BBS2: variants seen among roughly 807,000 people sequenced by gnomAD.
BBS2 encodes the protein BBSome complex member BBS2.
A neutral mutation model predicts 83.0 loss-of-function variants in BBS2; 62 were observed. That is an observed-to-expected ratio of 0.75 (90% CI 0.61 to 0.92). The LOEUF is 0.92. BBS2 is among the 40% of genes least tolerant of loss of function. The probability of loss-of-function intolerance (pLI) is 0.00; values close to 1 mark genes in which losing one functional copy is unlikely to be tolerated. For missense variants in BBS2, 784 were observed against 901.0 expected, an observed-to-expected ratio of 0.87 and a Z score of 1.66; for synonymous variants, 303 against 326.1, an observed-to-expected ratio of 0.93 and a Z score of 0.76.
chr16:56,514,803 T>G, intron 1 of BBS2, 123 bp from the exon 2 acceptor site: 1 of 733,920 alleles, frequency 1.4e-6, no homozygotes, highest in Admixed American at 2.6e-5. Flanking sequence ...TAATCTCCTA[T>G]GAAACTTAAA....
intron 11 of BBS2, 61 bp downstream of exon 11, chr16:56,500,793 T>C: frequency 6.3e-7 from 1 of 1,575,290 alleles, no homozygotes; most frequent in Non-Finnish European, 8.7e-7. Context: ...ATGGAAAATT[T>C]ATACATCTTG....
At chr16:56,498,361 C>T (rs1370676254) in intron 13 of BBS2, 76 bp downstream of exon 13, 2 of 1,554,910 alleles carry the variant, frequency 1.3e-6, no homozygotes, top group Non-Finnish European at 1.8e-6. Flanking sequence ...ATCTATGCCC[C>T]TCTCATTCCA....
chr16:56,474,478 G>A (rs967385961), intron 17 of BBS2, among the ~76,000 whole-genome samples: 3 of 151,752 alleles, frequency 2.0e-5, no homozygotes, highest in East Asian at 3.9e-4. Context: ...GCACTACCAC[G>A]CCTGGCTAAT....
intron 7 of BBS2, among the ~76,000 whole-genome samples, chr16:56,503,126 G>A (rs1338676615): frequency 6.6e-6 from 1 of 152,196 alleles, no homozygotes; most frequent in African/African-American, 2.4e-5. Flanking sequence ...AAGGGCATGG[G>A]CTTAATGGCC....
At chr16:56,502,515 CT>C in intron 8 of BBS2, 59 bp from the exon 9 acceptor site, 4 of 1,613,360 alleles carry the variant, frequency 2.5e-6, no homozygotes, top group Non-Finnish European at 3.4e-6. Context: ...CATCAATTAC[CT>C]GCTCTTAAAA....
chr16:56,480,376 A>AAAAAAAAAAAAAAAAAAAAAAAAAC (rs1555519799), downstream of BBS2, among the ~76,000 whole-genome samples: 2 of 142,402 alleles, frequency 1.4e-5, no homozygotes, highest in African/African-American at 5.2e-5. Context: ...CAAAAAAAAA[A>AAAAAAAAAAAAAAAAAAAAAAAAAC]ACAAAGCTTG....
chr16:56,514,686 A>G lies in BBS2; in HGVS notation c.118-6T>C. ...TGAGGATTATGAATAAAAACCTGAA[A>G]CAAAAATAACTAATTACATTCCCTT... On this transcript the variant is annotated splice_region_variant and splice_polypyrimidine_tract_variant and intron_variant, in intron 1 of 16. Transcript: ENST00000245157. The G allele has an allele frequency of 6.3e-7, 1 of 1,590,886 alleles. No homozygotes were observed. Among genetic ancestry groups the G allele is most frequent in the Middle Eastern group, 1.7e-4 (1 of 6,014 alleles).
chr16:56,494,819 G>A (rs562929400), intron 15 of BBS2, among the ~76,000 whole-genome samples: 13 of 152,122 alleles, frequency 8.5e-5, no homozygotes, highest in East Asian at 7.7e-4. Context: ...AAAATTAGCC[G>A]GGCTTGGTGG....
intron 15 of BBS2, among the ~76,000 whole-genome samples, chr16:56,496,346 C>G (rs960644820): frequency 6.6e-6 from 1 of 152,160 alleles, no homozygotes; most frequent in Admixed American, 6.5e-5. Context: ...AGACTTCAGA[C>G]AGGAAGTTTC....
chr16:56,470,969 CAG>C (rs1963144738), intron 17 of BBS2, among the ~76,000 whole-genome samples: 1 of 152,040 alleles, frequency 6.6e-6, no homozygotes, highest in African/African-American at 2.4e-5. Context: ...TAGAAGAAGA[CAG>C]AGATTAAATG....
At chr16:56,500,557 AG>A (rs767615579) in intron 11 of BBS2, 3 of 347,126 alleles carry the variant, frequency 8.6e-6, no homozygotes, top group African/African-American at 2.2e-5. Flanking sequence ...CCCAGGAGGT[AG>A]AGGTTGCAGT....
chr16:56,482,108 A>C (rs1222051113), downstream of BBS2, among the ~76,000 whole-genome samples: 2 of 152,248 alleles, frequency 1.3e-5, no homozygotes, highest in African/African-American at 4.8e-5. Context: ...AAAGAACAAC[A>C]GAGTGACCTT....
chr16:56,474,177 G>A (rs905010429), intron 17 of BBS2, among the ~76,000 whole-genome samples: 10 of 151,586 alleles, frequency 6.6e-5, no homozygotes, highest in East Asian at 5.8e-4. Context: ...GCCTTTCCTC[G>A]TTTCTACTTT....
chr16:56,478,407 A>G (rs1022628124), intron 17 of BBS2: 5 of 152,158 alleles, frequency 3.3e-5, no homozygotes, highest in Non-Finnish European at 7.3e-5. Flanking sequence ...CAGTGTAGCA[A>G]CACTCAAGTG....
chr16:56,492,247 T>C (rs939649685), intron 15 of BBS2, among the ~76,000 whole-genome samples: 1 of 151,938 alleles, frequency 6.6e-6, no homozygotes, highest in Admixed American at 6.6e-5. Context: ...ATAACCAACA[T>C]GTGGAAAAAA....
intron 11 of BBS2, 67 bp downstream of exon 11, chr16:56,500,787 A>G: frequency 6.4e-7 from 1 of 1,560,056 alleles, no homozygotes; most frequent in Non-Finnish European, 8.8e-7. Flanking sequence ...GGGCATATGG[A>G]AAATTTATAC....
At position 56,485,681 on chromosome 16, in the gene BBS2, A is replaced by G. The variant is rs1429144339; in HGVS notation, c.1968T>C (p.Asn656=). ...ELYDLNRDLL[N]GYKIRCNNHT... ...GATTGTTACAGCGAATTTTATATCC[A>G]TTTAGCAAGTCTCTATTAAGGTCAT... The change falls in exon 16 of 17, where the codon AAT becomes AAC. Residue 656 remains asparagine, a synonymous_variant. Coordinates refer to ENST00000245157, the MANE Select transcript of BBS2 (RefSeq NM_031885.5). 2.5e-6 allele frequency: 4 copies of G among 1,613,946 alleles called. No individual in the cohort carries two copies. Among genetic ancestry groups the G allele is most frequent in the Non-Finnish European group, 3.4e-6 (4 of 1,179,848 alleles).
chr16:56,512,029 T>C (rs1417730118), intron 2 of BBS2, among the ~76,000 whole-genome samples: 1 of 152,010 alleles, frequency 6.6e-6, no homozygotes, highest in Non-Finnish European at 1.5e-5. Flanking sequence ...CAATAAAAAA[T>C]AGGCAAAAGA....
chr16:56,474,238 T>C (rs1236879639), intron 17 of BBS2, among the ~76,000 whole-genome samples: 1 of 152,138 alleles, frequency 6.6e-6, no homozygotes, highest in Non-Finnish European at 1.5e-5. Context: ...ATAATATTCA[T>C]GTCGTATTTT....
Sources: gnomAD v4.1 joint callset for allele counts (sites outside exome capture counted in the v4.1 genomes callset) on GRCh38, gnomAD v4.1.1 for gene constraint, MANE v1.5 for transcripts, NCBI Gene and HGNC (gene_info 2026-07-23, HGNC 2026-07-21) for gene names.